The following CDKN2AIP variants were observed in gnomAD, a reference collection of about 807,000 sequenced individuals.
CDKN2AIP encodes CDKN2A-interacting protein.
Under a neutral mutation model 44.1 loss-of-function variants are expected in CDKN2AIP, and 12 were observed. The observed-to-expected ratio is 0.27, with a 90% CI of 0.17 to 0.44. The LOEUF is 0.44. Ranked by LOEUF, CDKN2AIP falls within the 20% of genes least tolerant of loss-of-function variation. The pLI, the probability that CDKN2AIP is intolerant of heterozygous loss-of-function variation, is 1.00. For missense variants in CDKN2AIP, 705 were observed against 681.6 expected (o/e 1.03, Z -0.38); for synonymous variants, 291 against 272.1 (o/e 1.07, Z -0.68).
In CDKN2AIP at chr4:183,446,510, G is replaced by A; in HGVS notation, c.826G>A (p.Gly276Ser). ...SGSPKKSALE[G>S]SSASASQSSS... ...ATCACCTAAAAAGAGTGCTTTGGAA[G>A]GCTCTTCAGCCTCAGCTTCTCAAAG... is the stretch of plus-strand genomic sequence containing the variant. The change falls in exon 3 of 3, where the codon GGC (glycine) becomes AGC (serine). Residue 276 changes from glycine (G) to serine (S), a missense_variant. By Grantham distance (56) the Gly-to-Ser change is moderately conservative. Around this residue, in one of 2 missense-constraint regions of CDKN2AIP, gnomAD observed 592 missense variants for 518.0 expected, o/e 1.14. Coordinates refer to ENST00000504169, the MANE Select transcript of CDKN2AIP (RefSeq NM_017632.4). The A allele has an allele frequency of 1.2e-6, 2 of 1,613,730 alleles. 1 individual carries two copies. The highest frequency in any genetic ancestry group is 2.2e-5 in the South Asian group (2 of 91,072).
At position 183,445,599 on chromosome 4, in the gene CDKN2AIP, C is replaced by G; in HGVS notation, c.337C>G (p.Pro113Ala). Residue 113 changes from proline to alanine, a missense_variant, in exon 2 of 3, where the codon CCA (proline) becomes GCA (alanine). Physicochemically the swap from Pro to Ala is conservative, Grantham distance 27 (BLOSUM62 -1). Coordinates refer to ENST00000504169, the MANE Select transcript of CDKN2AIP (RefSeq NM_017632.4). ...MAEGIKVTDA[P>A]TYTTRDELVA... The stretch of plus-strand genomic sequence containing the variant: ...TGAAGGCATCAAAGTGACAGATGCT[C>G]CAACCTATACAACAAGAGATGAACT... The G allele has an allele frequency of 1.2e-6, 2 of 1,608,938 alleles. No individual in the cohort carries two copies. The highest frequency in any genetic ancestry group is 1.7e-6 in the Non-Finnish European group (2 of 1,175,302).
rs746949845 is a variant in CDKN2AIP, at chr4:183,446,403, G to T, written c.719G>T (p.Gly240Val). ...ASEAEAPDKHGSASFVSLLKS... is the reference protein window; with the variant it reads ...ASEAEAPDKHVSASFVSLLKS... ...GAAGCAGAAGCTCCAGATAAACACGGTTCTGCATCATTTGTTTCCTTGCTG... is the reference window on the plus strand; with the variant it reads ...GAAGCAGAAGCTCCAGATAAACACGTTTCTGCATCATTTGTTTCCTTGCTG... Residue 240 changes from glycine (G) to valine (V), a missense_variant, in exon 3 of 3, where the codon GGT becomes GTT. By Grantham distance (109) the Gly-to-Val change is moderately radical (BLOSUM62 -3). Transcript: ENST00000504169. 1 of 1,546,386 alleles carries T rather than the reference G, an allele frequency of 6.5e-7. No individual in the cohort carries two copies. Among genetic ancestry groups the T allele is most frequent in the Non-Finnish European group, 8.9e-7 (1 of 1,128,694 alleles).
Position 183,444,714 on chromosome 4 carries a change from T to TGCA in CDKN2AIP, c.-82_-80dup, listed in dbSNP as rs1733619717. 9 of 1,363,472 alleles carry TGCA rather than the reference T, an allele frequency of 6.6e-6. No homozygotes were observed. The East Asian group carries it at 2.4e-4, about 36-fold the overall frequency. The allele number at this position is 1,363,472 out of a possible 1,614,324, so 84.5% of individuals were successfully genotyped here. ...GGGGCGTTATCTGGAGGGCCGCGGG[T>TGCA]GCAGGCCGCAGTGACAGGGCCGCTC... On this transcript the variant is annotated 5_prime_UTR_variant, in exon 1 of 3. Transcript: ENST00000504169.
In CDKN2AIP at chr4:183,449,021, GCAAAAAATTA is replaced by G. The variant is rs1733740651; in HGVS notation, c.*1598_*1607del. Among the ~76,000 whole-genome samples the G allele has an allele frequency of 6.6e-6, 1 of 152,004 alleles. No individual in the cohort carries two copies. Among genetic ancestry groups the G allele is most frequent in the African/African-American group, 2.4e-5 (1 of 41,414 alleles). On this transcript the variant is annotated 3_prime_UTR_variant, in exon 3 of 3. Coordinates refer to ENST00000504169, the MANE Select transcript of CDKN2AIP (RefSeq NM_017632.4). The stretch of plus-strand genomic sequence containing the variant: ...TTGTGGGATAATGATTATCAGAAAA[GCAAAAAATTA>G]CAACGAACAAATAAATTTATATAAT...
chr4:183,448,524 C>T lies in CDKN2AIP; in HGVS notation c.*1097C>T, dbSNP rs1733731753. 6.6e-6 allele frequency among the ~76,000 whole-genome samples: 1 copy of T among 152,060 alleles called. No individual in the cohort carries two copies. Among genetic ancestry groups the T allele is most frequent in the Non-Finnish European group, 1.5e-5 (1 of 67,986 alleles). ...TTGTTTTCGTCTTAGGTGATTCTGC[C>T]TGTTTGTCTGTCATTGTATATTCTG... On this transcript the variant is annotated 3_prime_UTR_variant, in exon 3 of 3. Coordinates refer to ENST00000504169, the MANE Select transcript of CDKN2AIP (RefSeq NM_017632.4).
rs768955488 is a variant in CDKN2AIP, at chr4:183,444,998, C to A, written c.201C>A (p.Thr67=). The change falls in exon 1 of 3, where the codon ACC becomes ACA. Residue 67 remains threonine (T), a synonymous_variant. Transcript: ENST00000504169. Reference sequence around the variant, plus strand: ...AAGCTGCCGACGCCGAGAGCGGGACCCGAAACCGGCAGCTGCAGCAGCTCA... The same window carrying A: ...AAGCTGCCGACGCCGAGAGCGGGACACGAAACCGGCAGCTGCAGCAGCTCA... ...TDEAADAESG[T]RNRQLQQLIS... The A allele has an allele frequency of 6.2e-7, 1 of 1,603,656 alleles. No homozygotes were observed. Among genetic ancestry groups the A allele is most frequent in the South Asian group, 1.1e-5 (1 of 90,116 alleles).
rs376830028 is a variant in CDKN2AIP at position 183,446,806 on chromosome 4, G to C, written c.1122G>C (p.Lys374Asn). 3 of 1,614,054 alleles carry C rather than the reference G, an allele frequency of 1.9e-6. No homozygotes were observed. Among genetic ancestry groups the C allele is most frequent in the Non-Finnish European group, 2.5e-6 (3 of 1,180,044 alleles). The change falls in exon 3 of 3, where the codon AAG (lysine) becomes AAC (asparagine). Residue 374 changes from lysine to asparagine, a missense_variant. By Grantham distance (94) the Lys-to-Asn change is moderately conservative (BLOSUM62 0). Around this residue, in one of 2 missense-constraint regions of CDKN2AIP, gnomAD observed 592 missense variants for 518.0 expected, o/e 1.14. Transcript: ENST00000504169. ...TAGCTGCATCACTACTAGCTTCCAAGAGCAGCTCCCAGACCAGTGGATCTC... is the reference window on the plus strand; with the variant it reads ...TAGCTGCATCACTACTAGCTTCCAACAGCAGCTCCCAGACCAGTGGATCTC... ...SQVAASLLASKSSSQTSGSLV... is the reference protein window; with the variant it reads ...SQVAASLLASNSSSQTSGSLV...
Position 183,445,418 on chromosome 4 carries a change from G to T in CDKN2AIP, c.273-117G>T, listed in dbSNP as rs1186547654. On this transcript the variant is annotated intron_variant, in intron 1 of 2. Coordinates refer to ENST00000504169, the MANE Select transcript of CDKN2AIP (RefSeq NM_017632.4). ...ATGGGGTTCCAGGAAACAGTTCTTG[G>T]CGGTTGGTTCACTTTCTTGATTGCA... is the stretch of plus-strand genomic sequence containing the variant. 4 of 803,064 alleles carry T rather than the reference G, an allele frequency of 5.0e-6. No individual in the cohort carries two copies. In the East Asian group the frequency reaches 7.6e-5, roughly 15 times the overall value. 49.7% of individuals were successfully genotyped at this position (803,064 alleles called of 1,614,324 possible).
rs1733623155 is a variant in CDKN2AIP, at chr4:183,444,746, C to T, written c.-52C>T. The T allele has an allele frequency of 6.8e-7, 1 of 1,465,604 alleles. No homozygotes were observed. The highest frequency in any genetic ancestry group is 9.1e-7 in the Non-Finnish European group (1 of 1,102,212). 90.8% of individuals were successfully genotyped at this position (1,465,604 alleles called of 1,614,324 possible). A position where few individuals can be genotyped will look rare whatever the true frequency, so the allele number is the denominator to read the frequency against. Reference sequence around the variant, plus strand: ...CGCAGTGACAGGGCCGCTCGCCCCGCTAGTCCTGCCTGTCTCCCGGTGCAG... The same window carrying T: ...CGCAGTGACAGGGCCGCTCGCCCCGTTAGTCCTGCCTGTCTCCCGGTGCAG... On this transcript the variant is annotated 5_prime_UTR_variant, in exon 1 of 3. Transcript: ENST00000504169.
rs2111227790 is a variant in CDKN2AIP at position 183,447,436 on chromosome 4, A to G, written c.*9A>G. The stretch of plus-strand genomic sequence containing the variant: ...CTCAAGAATTACTATAATGTGTCCA[A>G]AATATCACTGCATACAATATCTGGT... On this transcript the variant is annotated 3_prime_UTR_variant, in exon 3 of 3. Transcript: ENST00000504169. The G allele has an allele frequency of 3.3e-6, 5 of 1,504,366 alleles. No individual in the cohort carries two copies. Among genetic ancestry groups the G allele is most frequent in the Non-Finnish European group, 4.4e-6 (5 of 1,126,570 alleles). 93.2% of individuals were successfully genotyped at this position (1,504,366 alleles called of 1,614,324 possible).
In CDKN2AIP at chr4:183,445,654, C is replaced by G. The variant is rs770954239; in HGVS notation, c.392C>G (p.Ser131Trp). ...GCCAAGGTGAAGAAAAGAGGGATATCGAGTAGCAATGGTTAGCAGATCATA... is the reference window on the plus strand; with the variant it reads ...GCCAAGGTGAAGAAAAGAGGGATATGGAGTAGCAATGGTTAGCAGATCATA... ...LVAKVKKRGI[S>W]SSNEGVEEPS... The change falls in exon 2 of 3, where the codon TCG (serine) becomes TGG (tryptophan). Residue 131 changes from serine (S) to tryptophan (W), a missense_variant. By Grantham distance (177) the Ser-to-Trp change is radical. This residue lies in a region of CDKN2AIP where 592 missense variants were observed against 518.0 expected (regional missense o/e 1.14). Transcript: ENST00000504169. 3 of 1,610,268 alleles carry G rather than the reference C, an allele frequency of 1.9e-6. No individual in the cohort carries two copies. The highest frequency in any genetic ancestry group is 2.5e-6 in the Non-Finnish European group (3 of 1,176,640).
chr4:183,449,022 C>CA lies in CDKN2AIP; in HGVS notation c.*1601dup, dbSNP rs1011512972. Reference sequence around the variant, plus strand: ...TGTGGGATAATGATTATCAGAAAAGCAAAAAATTACAACGAACAAATAAAT... The same window carrying CA: ...TGTGGGATAATGATTATCAGAAAAGCAAAAAAATTACAACGAACAAATAAAT... On this transcript the variant is annotated 3_prime_UTR_variant, in exon 3 of 3. Transcript: ENST00000504169. Among the ~76,000 whole-genome samples, 14 of 151,910 alleles carry CA rather than the reference C, an allele frequency of 9.2e-5. No individual in the cohort carries two copies. Among genetic ancestry groups the CA allele is most frequent in the Non-Finnish European group, 1.8e-4 (12 of 67,934 alleles).
chr4:183,445,173 T>G (rs1278780296), intron 1 of CDKN2AIP, 104 bp downstream of exon 1: 10 of 1,406,082 alleles, frequency 7.1e-6, no homozygotes, highest in Non-Finnish European at 9.6e-6. Context: ...GGAGGGGAAG[T>G]TGTGAAGCGC....
chr4:183,445,287 T>C (rs1251302379), intron 1 of CDKN2AIP: 5 of 643,538 alleles, frequency 7.8e-6, no homozygotes, highest in Non-Finnish European at 1.3e-5. Context: ...TGGGCGCAGC[T>C]GCTGGTAGGG....
Position 183,448,355 on chromosome 4 carries a change from A to T in CDKN2AIP, c.*928A>T, listed in dbSNP as rs181453942. Among the ~76,000 whole-genome samples the T allele has an allele frequency of 2.6e-5, 4 of 152,072 alleles. No homozygotes were observed. In the East Asian group the frequency reaches 7.7e-4, roughly 29 times the overall value. On this transcript the variant is annotated 3_prime_UTR_variant, in exon 3 of 3. Transcript: ENST00000504169. ...CCTGAGCCAGAATAGATTAAAAGCG[A>T]TTCCCTTCAATTTTCAAATCTAGAA... is the stretch of plus-strand genomic sequence containing the variant.
At position 183,448,248 on chromosome 4, in the gene CDKN2AIP, C is replaced by T. The variant is rs1375543002; in HGVS notation, c.*821C>T. On this transcript the variant is annotated 3_prime_UTR_variant, in exon 3 of 3. Transcript: ENST00000504169. Reference sequence around the variant, plus strand: ...GAACCAATTCCTGCAAATAGGCTTCCCATGACTTGTCATTATAAATTAGAC... The same window carrying T: ...GAACCAATTCCTGCAAATAGGCTTCTCATGACTTGTCATTATAAATTAGAC... 6.6e-6 allele frequency: 1 copy of T among 151,988 alleles called. No homozygotes were observed. The highest frequency in any genetic ancestry group is 2.4e-5 in the African/African-American group (1 of 41,382). 9.4% of individuals were successfully genotyped at this position (151,988 alleles called of 1,614,324 possible). A position where few individuals can be genotyped will look rare whatever the true frequency, so the allele number is the denominator to read the frequency against.
Position 183,447,964 on chromosome 4 carries a change from A to G in CDKN2AIP, c.*537A>G, listed in dbSNP as rs1274355872. ...GAAGTTGTAAGCATTTTTTAGATATAAAGCAGTATAAAGTACTTGTTATTT... is the reference window on the plus strand; with the variant it reads ...GAAGTTGTAAGCATTTTTTAGATATGAAGCAGTATAAAGTACTTGTTATTT... On this transcript the variant is annotated 3_prime_UTR_variant, in exon 3 of 3. Transcript: ENST00000504169. 1 of 152,214 alleles carries G rather than the reference A, an allele frequency of 6.6e-6. No individual in the cohort carries two copies. Among genetic ancestry groups the G allele is most frequent in the Non-Finnish European group, 1.5e-5 (1 of 68,018 alleles). The allele number at this position is 152,214 out of a possible 1,614,324, so 9.4% of individuals were successfully genotyped here.
chr4:183,447,061 C>T lies in CDKN2AIP; in HGVS notation c.1377C>T (p.Pro459=). 6.2e-7 allele frequency: 1 copy of T among 1,613,998 alleles called. No individual in the cohort carries two copies. Among genetic ancestry groups the T allele is most frequent in the Non-Finnish European group, 8.5e-7 (1 of 1,179,938 alleles). Residue 459 remains proline (P), a synonymous_variant, in exon 3 of 3, where the codon CCC becomes CCT. Coordinates refer to ENST00000504169, the MANE Select transcript of CDKN2AIP (RefSeq NM_017632.4). The part of the protein sequence containing the change: ...WKLVAVGGFS[P]NVNHGELLNA... ...TGGTAGCTGTTGGTGGCTTTAGTCC[C>T]AATGTGAATCATGGAGAGCTCCTAA...
chr4:183,445,025 C>T lies in CDKN2AIP; in HGVS notation c.228C>T (p.Ile76=), dbSNP rs765852974. The T allele has an allele frequency of 1.9e-6, 3 of 1,600,646 alleles. No individual in the cohort carries two copies. The Admixed American group carries it at 5.1e-5, about 27-fold the overall frequency. Residue 76 remains isoleucine, a synonymous_variant, in exon 1 of 3, where the codon ATC becomes ATT. Transcript: ENST00000504169. ...GAAACCGGCAGCTGCAGCAGCTCAT[C>T]TCCTTTTCCATGGCCTGGGCGAACC... ...GTRNRQLQQL[I]SFSMAWANHV...
Sources: allele counts gnomAD v4.1 joint callset (sites outside exome capture counted in the v4.1 genomes callset), GRCh38; gene constraint gnomAD v4.1.1; regional missense constraint gnomAD v4.1.1; transcripts MANE v1.5; gene names NCBI Gene and HGNC (gene_info 2026-07-23, HGNC 2026-07-21).